RBFOX1: variants seen among roughly 807,000 people sequenced by gnomAD.
RBFOX1 encodes RNA binding fox-1 homolog 1, also known as RNA binding protein fox-1 homolog 1.
Under a neutral mutation model 57.7 loss-of-function variants are expected in RBFOX1, and 8 were observed. That is an observed-to-expected ratio of 0.14 (90% CI 0.08 to 0.25). The LOEUF is 0.25. Ranked by LOEUF, RBFOX1 falls within the 10% of genes least tolerant of loss-of-function variation. The pLI is 1.00. For missense variants in RBFOX1, 611 were observed against 548.5 expected (o/e 1.11, Z -1.14); for synonymous variants, 326 against 222.4 (o/e 1.47, Z -4.15).
intron 2 of RBFOX1, among the ~76,000 whole-genome samples, chr16:6,599,342 C>T (rs7197079): frequency 0.94 from 143,455 of 152,244 alleles, 68,213 homozygotes; most frequent in East Asian, 1. Context: ...AATGGTTGTG[C>T]GTTTTGGGGA....
At chr16:6,980,580 A>G (rs2088494918) in intron 3 of RBFOX1, among the ~76,000 whole-genome samples, 1 of 152,224 alleles carries the variant, frequency 6.6e-6, no homozygotes, top group Admixed American at 6.5e-5. Flanking sequence ...ATTGAAAAAC[A>G]GCTTTAATAA....
intron 4 of RBFOX1, among the ~76,000 whole-genome samples, chr16:7,479,254 G>T (rs780600661): frequency 1.3e-5 from 2 of 151,768 alleles, no homozygotes; most frequent in Admixed American, 6.6e-5. Context: ...CTCCCGAGTC[G>T]CTGGGATTAC....
rs558609831 is a variant in RBFOX1 at position 6,643,817 on chromosome 16, C to G, written c.-63-10786C>G. Among the ~76,000 whole-genome samples the G allele has an allele frequency of 7.8e-5, 9 of 115,032 alleles. No homozygotes were observed. In the South Asian group the frequency reaches 2.8e-3, roughly 36 times the overall value. 75.5% of individuals were successfully genotyped at this position (115,032 alleles called of 152,430 possible). A position where few individuals can be genotyped will look rare whatever the true frequency, so the allele number is the denominator to read the frequency against. ...TTGAACTTATTCTCAAAATCTGAGT[C>G]TTTGTGAAGGTTAAAAAATCATATA... On this transcript the variant is annotated intron_variant, in intron 2 of 15. Transcript: ENST00000550418.
intron 1 of RBFOX1, among the ~76,000 whole-genome samples, chr16:6,066,293 CAAAAAAAAAAAA>C (rs372412356): frequency 4.0e-5 from 2 of 50,402 alleles, no homozygotes; most frequent in Non-Finnish European, 5.8e-5. Flanking sequence ...GACTCTGTCT[CAAAAAAAAAAAA>C]AAAAAAAAAA....
chr16:6,706,676 A>G (rs8182193), intron 3 of RBFOX1, among the ~76,000 whole-genome samples: 39,969 of 150,166 alleles, frequency 0.27, 6,248 homozygotes, highest in East Asian at 0.64. Flanking sequence ...GACGTCTTTA[A>G]TTGGCTGAGT....
At chr16:7,388,439 G>C (rs2097920728) in intron 4 of RBFOX1, among the ~76,000 whole-genome samples, 1 of 152,048 alleles carries the variant, frequency 6.6e-6, no homozygotes, top group African/African-American at 2.4e-5. Context: ...TATGGGCTTT[G>C]GGATACAACA....
intron 3 of RBFOX1, among the ~76,000 whole-genome samples, chr16:6,812,357 G>A (rs781088472): frequency 6.6e-6 from 1 of 152,068 alleles, no homozygotes; most frequent in Non-Finnish European, 1.5e-5. Context: ...GCACTGCAAA[G>A]TTTTGGTTCA....
intron 3 of RBFOX1, among the ~76,000 whole-genome samples, chr16:5,766,415 T>G (rs1449615095): frequency 6.6e-6 from 1 of 152,028 alleles, no homozygotes; most frequent in African/African-American, 2.4e-5. Context: ...CGAAACCTCG[T>G]CTCTACTAAA....
At chr16:7,369,223 C>G (rs917013749) in intron 4 of RBFOX1, among the ~76,000 whole-genome samples, 1 of 151,850 alleles carries the variant, frequency 6.6e-6, no homozygotes, top group African/African-American at 2.4e-5. Context: ...TAGTAAAAAG[C>G]AAACACACCC....
At chr16:6,654,686 A>C in intron 3 of RBFOX1, 36 bp downstream of exon 3, 1 of 1,468,420 alleles carries the variant, frequency 6.8e-7, no homozygotes, top group Non-Finnish European at 9.0e-7. Context: ...GGTTGCAAAC[A>C]AAACAAGAAC....
rs1213447856 is a variant in RBFOX1 at position 6,487,741 on chromosome 16, ATATATATAT to A, written c.-63-166861_-63-166853del. 1.2e-3 allele frequency among the ~76,000 whole-genome samples: 87 copies of A among 70,146 alleles called. 6 individuals are homozygous for A. The highest frequency in any genetic ancestry group is 5.1e-3 in the East Asian group (9 of 1,748). The allele number at this position is 70,146 out of a possible 152,430, so 46.0% of individuals were successfully genotyped here. On this transcript the variant is annotated intron_variant, in intron 2 of 15. Transcript: ENST00000550418. ...TATATATATATATATATATATATAT[ATATATATAT>A]ATATAAAATATTATGCAGTGATGGG...
chr16:5,320,207 C>G (rs952261099), intron 1 of RBFOX1, among the ~76,000 whole-genome samples: 1 of 152,170 alleles, frequency 6.6e-6, no homozygotes, highest in Non-Finnish European at 1.5e-5. Flanking sequence ...AATCACTTAG[C>G]TCATTCTGGT....
chr16:5,665,550 A>G (rs1407555228), intron 3 of RBFOX1, among the ~76,000 whole-genome samples: 1 of 152,176 alleles, frequency 6.6e-6, no homozygotes, highest in Non-Finnish European at 1.5e-5. Flanking sequence ...TGTTTCCCTG[A>G]CCAGCTAGTG....
intron 2 of RBFOX1, among the ~76,000 whole-genome samples, chr16:5,591,416 T>C (rs950060734): frequency 6.6e-6 from 1 of 152,088 alleles, no homozygotes; most frequent in Admixed American, 6.5e-5. Context: ...TGTGCTCGGT[T>C]AATTTTGTGT....
At chr16:5,872,623 C>A (rs1053324654) in intron 4 of RBFOX1, among the ~76,000 whole-genome samples, 1 of 151,940 alleles carries the variant, frequency 6.6e-6, no homozygotes, top group Admixed American at 6.6e-5. Flanking sequence ...GTAGTCCCAG[C>A]TACTCAGGAG....
At chr16:6,808,602 AGTTG>A (rs1457646680) in intron 3 of RBFOX1, among the ~76,000 whole-genome samples, 1 of 152,124 alleles carries the variant, frequency 6.6e-6, no homozygotes, top group Non-Finnish European at 1.5e-5. Context: ...GGGTGTTGGT[AGTTG>A]TTATTTTAAT....
intron 2 of RBFOX1, among the ~76,000 whole-genome samples, chr16:5,540,223 C>T (rs543062750): frequency 8.5e-5 from 13 of 152,124 alleles, no homozygotes; most frequent in South Asian, 2.1e-4. Context: ...TACCTTTGAG[C>T]ATAGAATTCT....
intron 4 of RBFOX1, among the ~76,000 whole-genome samples, chr16:7,259,563 T>TAA (rs780145954): frequency 1.2e-4 from 17 of 144,758 alleles, no homozygotes; most frequent in East Asian, 4.0e-4. Context: ...ATCTCCAATG[T>TAA]AAAAAAAAAA....
rs748034356 is a variant in RBFOX1 at position 6,013,385 on chromosome 16, C to T, written c.351+146050C>T. Among the ~76,000 whole-genome samples the T allele has an allele frequency of 2.6e-5, 4 of 152,250 alleles. No individual in the cohort carries two copies. The South Asian group carries it at 8.3e-4, about 32-fold the overall frequency. ...GTTTCCAAAGTGTTCTTTATATAGG[C>T]AGGCTCCCATTTGGTGCTGCAGATT... On this transcript the variant is annotated intron_variant, in intron 4 of 19. Transcript: ENST00000641259.
Sources: gnomAD v4.1 joint callset for allele counts (sites outside exome capture counted in the v4.1 genomes callset) on GRCh38, gnomAD v4.1.1 for gene constraint, MANE v1.5 for transcripts, NCBI Gene and HGNC (gene_info 2026-07-23, HGNC 2026-07-21) for gene names.